Variants in STK32B observed in about 807,000 individuals in gnomAD.
STK32B encodes serine/threonine kinase 32B.
A neutral mutation model predicts 52.6 loss-of-function variants in STK32B; 43 were observed. The observed-to-expected ratio is 0.82, with a 90% CI of 0.64 to 1.05. The LOEUF is 1.05. Among genes scored for constraint, STK32B ranks in the 50% least tolerant of loss-of-function variants. STK32B has a pLI of 0.00. For missense variants in STK32B, 621 were observed against 534.6 expected (o/e 1.16, Z -1.59); for synonymous variants, 238 against 204.3 (o/e 1.17, Z -1.41).
intron 3 of STK32B, among the ~76,000 whole-genome samples, chr4:5,178,304 G>C (rs1190866148): frequency 6.6e-6 from 1 of 152,218 alleles, no homozygotes; most frequent in Non-Finnish European, 1.5e-5. Flanking sequence ...CTGAACTTTG[G>C]CCTTTCTTAG....
At chr4:5,035,341 TAAG>T in the STK32B span, among the ~76,000 whole-genome samples, 32 of 152,344 alleles carry the variant, frequency 2.1e-4, no homozygotes, top group Non-Finnish European at 3.7e-4. Flanking sequence ...AGTAAATGAT[TAAG>T]AAGATGTTTG....
intron 6 of STK32B, among the ~76,000 whole-genome samples, chr4:5,418,278 T>C (rs1354889582): frequency 6.8e-6 from 1 of 146,396 alleles, no homozygotes; most frequent in Non-Finnish European, 1.5e-5. Flanking sequence ...TTACTTATAA[T>C]AACTTGGTAT....
intron 1 of STK32B, among the ~76,000 whole-genome samples, chr4:5,138,011 T>C (rs1716176109): frequency 6.6e-6 from 1 of 152,188 alleles, no homozygotes; most frequent in Non-Finnish European, 1.5e-5. Context: ...CGACAGGACA[T>C]GTGCATTTCC....
intron 3 of STK32B, among the ~76,000 whole-genome samples, chr4:5,189,552 G>C (rs1459672531): frequency 6.6e-6 from 1 of 152,112 alleles, no homozygotes; most frequent in Non-Finnish European, 1.5e-5. Flanking sequence ...TTACCTGGTA[G>C]CCTACCGAAA....
At position 5,499,034 on chromosome 4, in the gene STK32B, GCAA is replaced by G; in HGVS notation, c.1204_1206del (p.Asn402del). The G allele has an allele frequency of 2.5e-6, 4 of 1,613,832 alleles. No individual in the cohort carries two copies. The highest frequency in any genetic ancestry group is 2.2e-5 in the South Asian group (2 of 91,030). On this transcript the variant is annotated inframe_deletion, in exon 12 of 12. Transcript: ENST00000282908. Reference sequence around the variant, plus strand: ...GCCCAAAGCAAGCTCCAGGACGGGTGCAACAACAACCTCCTCACCCACACCTGC... The same window carrying G: ...GCCCAAAGCAAGCTCCAGGACGGGTGCAACAACCTCCTCACCCACACCTGC...
chr4:5,311,748 T>C (rs1374980483), intron 3 of STK32B, among the ~76,000 whole-genome samples: 1 of 152,012 alleles, frequency 6.6e-6, no homozygotes, highest in African/African-American at 2.4e-5. Context: ...AAATGAACAC[T>C]CCTATATCTG....
At chr4:5,265,277 A>G (rs761948700) in intron 3 of STK32B, among the ~76,000 whole-genome samples, 7 of 152,220 alleles carry the variant, frequency 4.6e-5, no homozygotes, top group African/African-American at 9.6e-5. Context: ...GGGTGTTTCT[A>G]CAACTCCTGA....
In STK32B at chr4:5,414,387, C is replaced by T. The variant is rs195105; in HGVS notation, c.473-2458C>T. Reference sequence around the variant, plus strand: ...TAATCAAATACATTAATATTTCTACCGCAAAACGTGGATATTCATCCAAAA... The same window carrying T: ...TAATCAAATACATTAATATTTCTACTGCAAAACGTGGATATTCATCCAAAA... On this transcript the variant is annotated intron_variant, in intron 5 of 11. Transcript: ENST00000282908. Among the ~76,000 whole-genome samples the T allele has an allele frequency of 7.9e-5, 12 of 151,780 alleles. No individual in the cohort carries two copies. In the South Asian group the frequency reaches 2.3e-3, roughly 29 times the overall value.
intron 3 of STK32B, among the ~76,000 whole-genome samples, chr4:5,236,032 A>AG (rs1257735383): frequency 6.6e-6 from 1 of 151,274 alleles, no homozygotes; most frequent in East Asian, 2.0e-4. Context: ...AGCAGCCAGG[A>AG]GGGGGTGGGT....
the STK32B span, among the ~76,000 whole-genome samples, chr4:5,025,504 G>T: frequency 1.3e-5 from 2 of 152,176 alleles, no homozygotes; most frequent in Non-Finnish European, 2.9e-5. Flanking sequence ...TCATTGGTGT[G>T]TAAATATCCC....
chr4:5,032,568 A>G, the STK32B span, among the ~76,000 whole-genome samples: 39 of 152,152 alleles, frequency 2.6e-4, no homozygotes, highest in Non-Finnish European at 4.1e-4. Context: ...TTTCTGTTAT[A>G]ATGAAAGATG....
chr4:5,455,333 G>A (rs924158102), intron 7 of STK32B, among the ~76,000 whole-genome samples: 2 of 152,212 alleles, frequency 1.3e-5, no homozygotes, highest in Admixed American at 1.3e-4. Flanking sequence ...ATGTAGGCTC[G>A]ATCACGTGGT....
chr4:5,457,959 G>GGAAC (rs1716708455), intron 8 of STK32B, among the ~76,000 whole-genome samples: 1 of 147,734 alleles, frequency 6.8e-6, no homozygotes, highest in African/African-American at 2.5e-5. Context: ...AAGGAAGGAA[G>GGAAC]GAAAGGAAAG....
At chr4:5,497,713 C>T (rs898268253) in intron 11 of STK32B, among the ~76,000 whole-genome samples, 4 of 47,378 alleles carry the variant, frequency 8.4e-5, no homozygotes, top group Non-Finnish European at 1.7e-4. Context: ...ACTGTGCGCA[C>T]ACACACACAC....
chr4:5,437,688 G>C (rs913573111), intron 6 of STK32B, among the ~76,000 whole-genome samples: 2 of 152,164 alleles, frequency 1.3e-5, no homozygotes, highest in Non-Finnish European at 2.9e-5. Flanking sequence ...TCAGAAAAAT[G>C]AAGATCATAG....
At chr4:5,081,200 C>T (rs988476755) in intron 1 of STK32B, among the ~76,000 whole-genome samples, 2 of 152,120 alleles carry the variant, frequency 1.3e-5, no homozygotes, top group Non-Finnish European at 2.9e-5. Context: ...TATATACATA[C>T]CAAATTTACT....
At chr4:5,052,217 C>T (rs558760314) in intron 1 of STK32B, among the ~76,000 whole-genome samples, 1 of 152,208 alleles carries the variant, frequency 6.6e-6, no homozygotes, top group East Asian at 1.9e-4. Flanking sequence ...GAGTTGACTT[C>T]GGAGGCCAGT....
intron 1 of STK32B, among the ~76,000 whole-genome samples, chr4:5,060,228 A>G (rs1276011844): frequency 6.6e-6 from 1 of 152,164 alleles, no homozygotes; most frequent in East Asian, 1.9e-4. Context: ...AGCCTCCCTA[A>G]GTACTGGGAT....
Position 5,144,808 on chromosome 4 carries a change from C to T in STK32B, c.108+4848C>T, listed in dbSNP as rs576582177. On this transcript the variant is annotated intron_variant, in intron 2 of 11. Transcript: ENST00000282908. ...CTCATCCATCCATCCATCCATCCATCCATCCATCCATCCATCCATCCATCC... is the reference window on the plus strand; with the variant it reads ...CTCATCCATCCATCCATCCATCCATTCATCCATCCATCCATCCATCCATCC... Among the ~76,000 whole-genome samples, 156 of 152,152 alleles carry T rather than the reference C, an allele frequency of 1.0e-3. 1 individual carries two copies. Among genetic ancestry groups the T allele is most frequent in the African/African-American group, 3.6e-3 (148 of 41,480 alleles).
Sources: allele counts gnomAD v4.1 joint callset (sites outside exome capture counted in the v4.1 genomes callset), GRCh38; gene constraint gnomAD v4.1.1; transcripts MANE v1.5; gene names NCBI Gene and HGNC (gene_info 2026-07-23, HGNC 2026-07-21).